Variants in GRIK2 observed in about 807,000 individuals in gnomAD.
The protein encoded by GRIK2 is glutamate ionotropic receptor kainate type subunit 2, also known as glutamate receptor ionotropic, kainate 2.
Under a neutral mutation model 100.3 loss-of-function variants are expected in GRIK2, and 32 were observed. That is an observed-to-expected ratio of 0.32 (90% CI 0.24 to 0.43). GRIK2 has a LOEUF of 0.43. Among genes scored for constraint, GRIK2 ranks in the 20% least tolerant of loss-of-function variants. The pLI is 1.00. For missense variants in GRIK2, 843 were observed against 1,114.9 expected (o/e 0.76, Z 3.47); for synonymous variants, 417 against 389.4 (o/e 1.07, Z -0.83).
intron 10 of GRIK2, among the ~76,000 whole-genome samples, chr6:101,844,093 A>T (rs1324118756): frequency 4.6e-5 from 7 of 152,194 alleles, no homozygotes; most frequent in Non-Finnish European, 7.4e-5. Flanking sequence ...ACAGGGTGTA[A>T]TCAAGAAAAA....
intron 13 of GRIK2, among the ~76,000 whole-genome samples, chr6:101,925,742 G>T (rs527713295): frequency 6.6e-6 from 1 of 151,860 alleles, no homozygotes; most frequent in Non-Finnish European, 1.5e-5. Context: ...CCACTTTGAA[G>T]AAATTCATTT....
At chr6:102,055,617 T>G in intron 16 of GRIK2, 37 bp downstream of exon 16, 2 of 1,501,276 alleles carry the variant, frequency 1.3e-6, no homozygotes, top group Non-Finnish European at 1.8e-6. Context: ...TTTAAAACAA[T>G]TTTTGTTGTT....
intron 14 of GRIK2, among the ~76,000 whole-genome samples, chr6:101,972,903 A>G (rs772063627): frequency 8.3e-4 from 126 of 151,912 alleles, no homozygotes; most frequent in Non-Finnish European, 1.5e-3. Context: ...CCATTGATCT[A>G]TGTGTCTATT....
chr6:101,933,195 C>A (rs1019401889), intron 14 of GRIK2, among the ~76,000 whole-genome samples: 1 of 151,936 alleles, frequency 6.6e-6, no homozygotes, highest in South Asian at 2.1e-4. Flanking sequence ...ATTTTAAGAA[C>A]TTTCGCTGGC....
intron 14 of GRIK2, among the ~76,000 whole-genome samples, chr6:102,001,868 A>T (rs548774499): frequency 6.6e-6 from 1 of 151,952 alleles, no homozygotes; most frequent in Non-Finnish European, 1.5e-5. Flanking sequence ...TAAGTAATCA[A>T]TGATTTTCTA....
In GRIK2 at chr6:101,924,629, C is replaced by T. The variant is rs1325211555; in HGVS notation, c.1777C>T (p.His593Tyr). Residue 593 changes from histidine (H) to tyrosine (Y), a missense_variant, in exon 13 of 17, where the codon CAC (histidine) becomes TAC (tyrosine). Physicochemically the swap from His to Tyr is moderately conservative, Grantham distance 83. Around this residue, in one of 3 missense-constraint regions of GRIK2, gnomAD observed 237 missense variants for 388.0 expected, o/e 0.61. Transcript: ENST00000369134. ...TAGTCCTTATGAGTGGTATAATCCA[C>T]ACCCTTGCAACCCTGACTCAGACGT... is the stretch of plus-strand genomic sequence containing the variant. ...RFSPYEWYNP[H>Y]PCNPDSDVVE... is the part of the protein sequence containing the mutation. 1 of 1,603,636 alleles carries T rather than the reference C, an allele frequency of 6.2e-7. No individual in the cohort carries two copies. The highest frequency in any genetic ancestry group is 1.3e-5 in the African/African-American group (1 of 74,728).
chr6:101,655,903 G>T (rs1782036226), intron 4 of GRIK2, among the ~76,000 whole-genome samples: 1 of 152,104 alleles, frequency 6.6e-6, no homozygotes, highest in Non-Finnish European at 1.5e-5. Flanking sequence ...CTTATTGTTT[G>T]GGAAGAGCTT....
chr6:101,468,640 T>C (rs1294294772), intron 2 of GRIK2, among the ~76,000 whole-genome samples: 1 of 152,194 alleles, frequency 6.6e-6, no homozygotes, highest in African/African-American at 2.4e-5. Context: ...ACAAGAACCA[T>C]TCCTCTTTGA....
At chr6:101,978,246 G>A (rs1335456776) in intron 14 of GRIK2, among the ~76,000 whole-genome samples, 3 of 151,894 alleles carry the variant, frequency 2.0e-5, no homozygotes, top group Non-Finnish European at 4.4e-5. Context: ...AGGCAGGGGA[G>A]TGGTCTCTTC....
rs1395288857 is a variant in GRIK2 at position 101,563,823 on chromosome 6, T to C, written c.116-58126T>C. 2.0e-5 allele frequency among the ~76,000 whole-genome samples: 3 copies of C among 152,142 alleles called. No individual in the cohort carries two copies. In the East Asian group the frequency reaches 5.8e-4, roughly 29 times the overall value. Reference sequence around the variant, plus strand: ...CTATGAAGTTGACTTGGAGAGCCATTATCCTTGTCTTTCTGATTTTAGCAC... The same window carrying C: ...CTATGAAGTTGACTTGGAGAGCCATCATCCTTGTCTTTCTGATTTTAGCAC... On this transcript the variant is annotated intron_variant, in intron 2 of 16. Coordinates refer to ENST00000369134, the MANE Select transcript of GRIK2 (RefSeq NM_021956.5).
chr6:102,029,744 T>A (rs1562123438), intron 14 of GRIK2, among the ~76,000 whole-genome samples: 1 of 151,292 alleles, frequency 6.6e-6, no homozygotes, highest in East Asian at 2.0e-4. Context: ...ACCCACCTTA[T>A]TAGGAACATT....
chr6:101,942,627 C>A (rs1351603070), intron 14 of GRIK2, among the ~76,000 whole-genome samples: 1 of 152,098 alleles, frequency 6.6e-6, no homozygotes, highest in Non-Finnish European at 1.5e-5. Flanking sequence ...TGGCATTGTG[C>A]TCTTGCTCTA....
Position 101,682,609 on chromosome 6 carries a change from A to G in GRIK2, c.777+3A>G. 8.4e-7 allele frequency: 1 copy of G among 1,186,336 alleles called. No homozygotes were observed. The highest frequency in any genetic ancestry group is 1.2e-6 in the Non-Finnish European group (1 of 807,296). The allele number at this position is 1,186,336 out of a possible 1,614,324, so 73.5% of individuals were successfully genotyped here. On this transcript the variant is annotated splice_donor_region_variant and intron_variant, in intron 6 of 16. Transcript: ENST00000369134. ...ATCATTATATCTTTACCACTCTGGT[A>G]AGTACTTCATTAAAACAAAATGTTC...
At chr6:101,937,481 C>T (rs563067383) in intron 14 of GRIK2, among the ~76,000 whole-genome samples, 1 of 152,062 alleles carries the variant, frequency 6.6e-6, no homozygotes, top group East Asian at 1.9e-4. Flanking sequence ...ACTGGTTAGG[C>T]AACATTCTGA....
intron 2 of GRIK2, among the ~76,000 whole-genome samples, chr6:101,400,702 A>T (rs1196919051): frequency 6.6e-6 from 1 of 152,180 alleles, no homozygotes; most frequent in Admixed American, 6.5e-5. Flanking sequence ...AAAATTCACC[A>T]TCTCTCCTAG....
chr6:102,043,446 C>T (rs1770705099), intron 15 of GRIK2, among the ~76,000 whole-genome samples: 1 of 151,874 alleles, frequency 6.6e-6, no homozygotes, highest in Non-Finnish European at 1.5e-5. Context: ...CCTCCAGCCT[C>T]TGCTTTCTGT....
chr6:101,866,495 G>A (rs564120158), intron 11 of GRIK2, among the ~76,000 whole-genome samples: 3 of 152,064 alleles, frequency 2.0e-5, no homozygotes, highest in African/African-American at 7.2e-5. Context: ...TTCCAATTTT[G>A]TTAGCAACCT....
At chr6:101,919,356 C>A (rs559190320) in intron 12 of GRIK2, among the ~76,000 whole-genome samples, 46 of 151,844 alleles carry the variant, frequency 3.0e-4, no homozygotes, top group African/African-American at 1.1e-3. Flanking sequence ...GTTGACATGT[C>A]TTAAGCATAG....
intron 14 of GRIK2, among the ~76,000 whole-genome samples, chr6:102,022,398 A>G (rs548194456): frequency 6.6e-6 from 1 of 151,808 alleles, no homozygotes; most frequent in East Asian, 1.9e-4. Flanking sequence ...CTGTGACTAT[A>G]CTTTGAGAGC....
Sources: gnomAD v4.1 joint callset for allele counts (sites outside exome capture counted in the v4.1 genomes callset) on GRCh38, gnomAD v4.1.1 for gene constraint, gnomAD v4.1.1 regional missense constraint, MANE v1.5 for transcripts, NCBI Gene and HGNC (gene_info 2026-07-23, HGNC 2026-07-21) for gene names.